The following VPS13B variants were observed in gnomAD, a reference collection of about 807,000 sequenced individuals.
VPS13B encodes intermembrane lipid transfer protein VPS13B.
A neutral mutation model predicts 426.4 loss-of-function variants in VPS13B; 285 were observed. The observed-to-expected ratio is 0.67, with a 90% confidence interval of 0.61 to 0.74. The LOEUF is 0.74. Ranked by LOEUF, VPS13B falls within the 30% of genes least tolerant of loss-of-function variation. VPS13B has a pLI of 0.00. For missense variants in VPS13B, 4,537 were observed against 4,782.6 expected (o/e 0.95, Z 1.51); for synonymous variants, 1,676 against 1,676.4 (o/e 1.00, Z 0.01).
At position 99,853,831 on chromosome 8, in the gene VPS13B, G is replaced by T. The variant is rs1563509900; in HGVS notation, c.10442G>T (p.Cys3481Phe). Reference protein sequence around the residue: ...EYKEKCFIKLCITLNEGKSIL... With the variant: ...EYKEKCFIKLFITLNEGKSIL... ...AAGGAAAAATGTTTTATCAAACTTT[G>T]CATCACCTTAAATGAAGGCAAGAGC... Residue 3481 changes from cysteine to phenylalanine, a missense_variant, in exon 56 of 62, where the codon TGC (cysteine) becomes TTC (phenylalanine). Around this residue, in one of 2 missense-constraint regions of VPS13B, gnomAD observed 4,311 missense variants for 4,474.3 expected, o/e 0.96. Transcript: ENST00000357162. The T allele has an allele frequency of 3.1e-6, 5 of 1,614,118 alleles. No homozygotes were observed. Among genetic ancestry groups the T allele is most frequent in the Non-Finnish European group, 3.4e-6 (4 of 1,180,050 alleles).
At chr8:99,856,293 G>C (rs1428941883) in intron 56 of VPS13B, among the ~76,000 whole-genome samples, 1 of 152,180 alleles carries the variant, frequency 6.6e-6, no homozygotes, top group Non-Finnish European at 1.5e-5. Context: ...TGGAAACTCT[G>C]TCACTAAAAA....
chr8:99,232,107 G>T (rs1396619882), intron 17 of VPS13B, among the ~76,000 whole-genome samples: 4 of 152,018 alleles, frequency 2.6e-5, no homozygotes, highest in Non-Finnish European at 5.9e-5. Context: ...TGCTTTCCTT[G>T]GGCGGGGGCG....
At chr8:99,446,313 G>C (rs983525694) in intron 23 of VPS13B, among the ~76,000 whole-genome samples, 1 of 152,014 alleles carries the variant, frequency 6.6e-6, no homozygotes, top group African/African-American at 2.4e-5. Context: ...TAAAGATACT[G>C]TTGTGCTGAC....
chr8:99,830,335 C>T (rs561519060), intron 51 of VPS13B, among the ~76,000 whole-genome samples: 18 of 152,298 alleles, frequency 1.2e-4, no homozygotes, highest in South Asian at 6.2e-4. Context: ...CTGGCTACAG[C>T]GGCTTTGCGG....
At chr8:99,281,844 C>T (rs1368951123) in intron 19 of VPS13B, among the ~76,000 whole-genome samples, 1 of 152,060 alleles carries the variant, frequency 6.6e-6, no homozygotes, top group Non-Finnish European at 1.5e-5. Flanking sequence ...AGGTTGTTAC[C>T]AAGATTATGT....
chr8:99,818,355 CT>C, intron 45 of VPS13B, 95 bp from the exon 46 acceptor site: 4 of 1,280,396 alleles, frequency 3.1e-6, no homozygotes, highest in Non-Finnish European at 4.5e-6. Context: ...ACTTTAAACT[CT>C]TTTTAATCTT....
chr8:99,529,426 A>G (rs1349592321), intron 30 of VPS13B, among the ~76,000 whole-genome samples: 1 of 152,208 alleles, frequency 6.6e-6, no homozygotes, highest in Non-Finnish European at 1.5e-5. Context: ...CAGCAAAGAT[A>G]AAAAACTTCA....
At position 99,566,445 on chromosome 8, in the gene VPS13B, C is replaced by CT. The variant is rs113218273; in HGVS notation, c.4950-9200dup. Among the ~76,000 whole-genome samples, 1,195 of 145,520 alleles carry CT rather than the reference C, an allele frequency of 8.2e-3. 15 individuals carry two copies. The highest frequency in any genetic ancestry group is 0.02 in the African/African-American group (777 of 39,708). On this transcript the variant is annotated intron_variant, in intron 31 of 61. Transcript: ENST00000357162. ...TTCCCTCCTATGGTGTTTTCTTCTT[C>CT]TTTTTTTTTTTTTGAGATGGAGTCT...
rs1225541682 is a variant in VPS13B at position 99,167,439 on chromosome 8, A to G, written c.2209-2600A>G. 2.0e-5 allele frequency among the ~76,000 whole-genome samples: 3 copies of G among 152,194 alleles called. No individual in the cohort carries two copies. In the South Asian group the frequency reaches 6.2e-4, roughly 32 times the overall value. ...TTTTATTTAATGGTATAAAACTACC[A>G]TGTGTTTTATAATGGCAGTAACAAA... On this transcript the variant is annotated intron_variant, in intron 15 of 61. Coordinates refer to ENST00000357162, the MANE Select transcript of VPS13B (RefSeq NM_152564.5).
intron 19 of VPS13B, among the ~76,000 whole-genome samples, chr8:99,328,903 T>C (rs16897255): frequency 0.063 from 9,587 of 152,192 alleles, 409 homozygotes; most frequent in African/African-American, 0.12. Context: ...GTCTCTTAGA[T>C]TAAAAATCTT....
chr8:99,717,049 C>T, intron 36 of VPS13B, 122 bp from the exon 37 acceptor site: 2 of 988,694 alleles, frequency 2.0e-6, no homozygotes, highest in Non-Finnish European at 3.1e-6. Context: ...GGTGGACTGC[C>T]AACCAAGCAA....
intron 31 of VPS13B, among the ~76,000 whole-genome samples, chr8:99,559,748 T>A (rs1824795911): frequency 6.6e-6 from 1 of 152,196 alleles, no homozygotes. Context: ...AGGGCTCTAT[T>A]CTGTTCCATT....
At chr8:99,059,036 A>C (rs1844037423) in intron 3 of VPS13B, among the ~76,000 whole-genome samples, 2 of 152,262 alleles carry the variant, frequency 1.3e-5, no homozygotes, top group South Asian at 4.1e-4. Context: ...GGAAAAGTTG[A>C]AAAGTTCTTT....
At chr8:99,079,432 G>T (rs1015554676) in intron 3 of VPS13B, among the ~76,000 whole-genome samples, 2 of 152,162 alleles carry the variant, frequency 1.3e-5, no homozygotes, top group African/African-American at 4.8e-5. Flanking sequence ...TGGTTGTGGT[G>T]GATGTGGACA....
chr8:99,323,175 A>C (rs1190836193), intron 19 of VPS13B, among the ~76,000 whole-genome samples: 1 of 152,206 alleles, frequency 6.6e-6, no homozygotes. Context: ...TGATGTATAC[A>C]CAACAAACTT....
intron 3 of VPS13B, among the ~76,000 whole-genome samples, chr8:99,090,330 C>T (rs1320843322): frequency 4.0e-5 from 6 of 149,178 alleles, no homozygotes; most frequent in African/African-American, 1.2e-4. Flanking sequence ...TGCAGTGGTG[C>T]GATCTTGGCT....
intron 15 of VPS13B, among the ~76,000 whole-genome samples, chr8:99,160,396 C>T (rs770745087): frequency 3.9e-5 from 6 of 152,226 alleles, no homozygotes; most frequent in South Asian, 2.1e-4. Context: ...TCGTGGCTAA[C>T]GCCTGTAATC....
chr8:99,605,935 A>T (rs1360561959), intron 33 of VPS13B, among the ~76,000 whole-genome samples: 1 of 152,136 alleles, frequency 6.6e-6, no homozygotes, highest in African/African-American at 2.4e-5. Context: ...CCACTGTATC[A>T]CCCAGGCTAG....
chr8:99,802,458 T>A (rs1286477482), intron 43 of VPS13B, among the ~76,000 whole-genome samples: 4 of 152,214 alleles, frequency 2.6e-5, no homozygotes, highest in Admixed American at 6.5e-5. Flanking sequence ...ACATTTTTTT[T>A]ATTTTAATAA....
Sources: allele counts gnomAD v4.1 joint callset (sites outside exome capture counted in the v4.1 genomes callset), GRCh38; gene constraint gnomAD v4.1.1; regional missense constraint gnomAD v4.1.1; transcripts MANE v1.5; gene names NCBI Gene and HGNC (gene_info 2026-07-23, HGNC 2026-07-21).